PTPRN2: variants seen among roughly 807,000 people sequenced by gnomAD.
PTPRN2 encodes the protein protein tyrosine phosphatase receptor type N2.
A neutral mutation model predicts 118.8 loss-of-function variants in PTPRN2; 74 were observed. The observed-to-expected ratio is 0.62, with a 90% CI of 0.52 to 0.76. The LOEUF is 0.76. Among genes scored for constraint, PTPRN2 ranks in the 30% least tolerant of loss-of-function variants. The pLI is 0.00. For missense variants in PTPRN2, 1,481 were observed against 1,394.4 expected (o/e 1.06, Z -0.99); for synonymous variants, 641 against 608.0 (o/e 1.05, Z -0.80).
chr7:158,561,078 T>A (rs947327213), intron 1 of PTPRN2, among the ~76,000 whole-genome samples: 1 of 152,238 alleles, frequency 6.6e-6, no homozygotes, highest in Admixed American at 6.5e-5. Flanking sequence ...GTTTCTAATT[T>A]TAGTGAAGTC....
chr7:158,306,126 G>A (rs1005629481), intron 3 of PTPRN2, among the ~76,000 whole-genome samples: 9 of 152,202 alleles, frequency 5.9e-5, no homozygotes, highest in African/African-American at 1.7e-4. Flanking sequence ...TTTCCCTGGG[G>A]GCATTTGTTG....
At chr7:158,316,687 C>T (rs1802350956) in intron 3 of PTPRN2, 132 bp downstream of exon 3, 1 of 672,236 alleles carries the variant, frequency 1.5e-6, no homozygotes, top group Admixed American at 3.2e-5. Flanking sequence ...GCGCCCGGCT[C>T]CCACCTGCCC....
At chr7:157,926,826 A>G (rs1476332695) in intron 11 of PTPRN2, among the ~76,000 whole-genome samples, 3 of 152,182 alleles carry the variant, frequency 2.0e-5, no homozygotes, top group African/African-American at 7.2e-5. Flanking sequence ...CTGTTGGGTA[A>G]GAGTCGCCTC....
intron 22 of PTPRN2, among the ~76,000 whole-genome samples, chr7:157,545,399 G>A (rs912099217): frequency 1.7e-4 from 25 of 149,950 alleles, no homozygotes; most frequent in Admixed American, 3.3e-4. Flanking sequence ...TGTGCACTGC[G>A]TGAGTGGGTG....
At chr7:158,341,446 GGTAA>G (rs1806761465) in intron 2 of PTPRN2, among the ~76,000 whole-genome samples, 22 of 142,758 alleles carry the variant, frequency 1.5e-4, no homozygotes, top group African/African-American at 5.3e-4. Flanking sequence ...CACCATAAGA[GGTAA>G]CACCTTCAGA....
At position 157,627,771 on chromosome 7, in the gene PTPRN2, T is replaced by C. The variant is rs1803674115; in HGVS notation, c.2197-6262A>G. ...AGATCAAACCATTCATGGAGAAAGCTACGGGGACTCAGGAAGTGGGTTTCC... is the reference window on the plus strand; with the variant it reads ...AGATCAAACCATTCATGGAGAAAGCCACGGGGACTCAGGAAGTGGGTTTCC... On this transcript the variant is annotated intron_variant, in intron 14 of 22. Transcript: ENST00000389418. This position sits in a 1 kb window ranked among gnomAD's most constrained non-coding sequence, Gnocchi z 4.2. Among the ~76,000 whole-genome samples, 1 of 152,164 alleles carries C rather than the reference T, an allele frequency of 6.6e-6. No homozygotes were observed. The highest frequency in any genetic ancestry group is 6.5e-5 in the Admixed American group (1 of 15,276).
At chr7:157,897,498 G>A (rs1797199577) in intron 12 of PTPRN2, among the ~76,000 whole-genome samples, 1 of 152,316 alleles carries the variant, frequency 6.6e-6, no homozygotes, top group Non-Finnish European at 1.5e-5. Flanking sequence ...CATCCGGCAC[G>A]AGCCAGGAAG....
chr7:158,241,351 C>CA (rs905430513), intron 3 of PTPRN2, among the ~76,000 whole-genome samples: 1 of 151,944 alleles, frequency 6.6e-6, no homozygotes, highest in African/African-American at 2.4e-5. Context: ...CCTATCTCTA[C>CA]AAAAAATACA....
intron 12 of PTPRN2, among the ~76,000 whole-genome samples, chr7:157,761,413 T>C (rs1802121656): frequency 1.3e-5 from 2 of 150,466 alleles, no homozygotes; most frequent in African/African-American, 4.9e-5. Context: ...TATAGATCAA[T>C]GGAACAGAAC....
chr7:157,656,818 T>TAC (rs71909744), intron 13 of PTPRN2, among the ~76,000 whole-genome samples: 1 of 135,562 alleles, frequency 7.4e-6, no homozygotes, highest in Non-Finnish European at 1.6e-5. Context: ...CAAACACACA[T>TAC]ACACACACAC....
intron 1 of PTPRN2, among the ~76,000 whole-genome samples, chr7:158,518,502 A>G (rs563318867): frequency 4.9e-4 from 75 of 152,208 alleles, no homozygotes; most frequent in Non-Finnish European, 9.1e-4. Context: ...GAACGTCCAC[A>G]GAGGCTAAAG....
chr7:158,515,403 T>A (rs1823477170), intron 1 of PTPRN2, among the ~76,000 whole-genome samples: 2 of 152,000 alleles, frequency 1.3e-5, no homozygotes, highest in Non-Finnish European at 2.9e-5. Context: ...GTCAGGCTAG[T>A]CTCAAACTCC....
chr7:158,196,154 A>AT (rs1411312556), intron 4 of PTPRN2, among the ~76,000 whole-genome samples: 1 of 152,166 alleles, frequency 6.6e-6, no homozygotes, highest in Non-Finnish European at 1.5e-5. Flanking sequence ...GTTTGCTCTC[A>AT]TTTTTTTGGA....
intron 2 of PTPRN2, among the ~76,000 whole-genome samples, chr7:158,334,545 C>T (rs1276558469): frequency 5.5e-5 from 6 of 109,338 alleles, no homozygotes; most frequent in African/African-American, 1.9e-4. Flanking sequence ...TCACTCACAC[C>T]CACACTCTCA....
At chr7:157,943,146 C>A (rs897740155) in intron 11 of PTPRN2, among the ~76,000 whole-genome samples, 1 of 152,178 alleles carries the variant, frequency 6.6e-6, no homozygotes, top group African/African-American at 2.4e-5. Flanking sequence ...AGGAGGAGTT[C>A]TCGAGACCCA....
intron 11 of PTPRN2, among the ~76,000 whole-genome samples, chr7:158,048,874 A>T (rs556627204): frequency 1.3e-5 from 2 of 151,130 alleles, no homozygotes; most frequent in East Asian, 3.9e-4. Flanking sequence ...TCACCATCAC[A>T]TTACCACCAC....
At chr7:158,075,788 C>A (rs1327259878) in intron 11 of PTPRN2, among the ~76,000 whole-genome samples, 1 of 152,230 alleles carries the variant, frequency 6.6e-6, no homozygotes, top group African/African-American at 2.4e-5. Context: ...AACCTCATGG[C>A]TGCGGAGCAG....
At chr7:158,012,191 A>T (rs957695238) in intron 11 of PTPRN2, among the ~76,000 whole-genome samples, 1 of 152,156 alleles carries the variant, frequency 6.6e-6, no homozygotes, top group African/African-American at 2.4e-5. Flanking sequence ...TTAGTGTCTG[A>T]CACGTGCCTT....
intron 12 of PTPRN2, among the ~76,000 whole-genome samples, chr7:157,691,224 T>C: frequency 6.6e-6 from 1 of 151,726 alleles, no homozygotes; most frequent in Non-Finnish European, 1.5e-5. Context: ...CTTTTCAGTG[T>C]TTCTCCCTTT....
Sources: allele counts gnomAD v4.1 joint callset (sites outside exome capture counted in the v4.1 genomes callset), GRCh38; gene constraint gnomAD v4.1.1; non-coding constraint Gnocchi (gnomAD v3.1); transcripts MANE v1.5; gene names NCBI Gene and HGNC (gene_info 2026-07-23, HGNC 2026-07-21).